The following SHROOM3 variants were observed in gnomAD, a reference collection of about 807,000 sequenced individuals.
The protein encoded by SHROOM3 is protein Shroom3.
Under a neutral mutation model 138.6 loss-of-function variants are expected in SHROOM3, and 47 were observed. The observed-to-expected ratio is 0.34, with a 90% CI of 0.27 to 0.43. SHROOM3 has a LOEUF of 0.43. SHROOM3 is among the 20% of genes least tolerant of loss of function. The probability of loss-of-function intolerance (pLI) is 1.00; values close to 1 mark genes in which losing one functional copy is unlikely to be tolerated. For synonymous variants in SHROOM3, 1,062 were observed against 1,063.3 expected (o/e 1.00, Z 0.02); for missense variants, 2,491 against 2,596.5 (o/e 0.96, Z 0.88).
intron 2 of SHROOM3, among the ~76,000 whole-genome samples, chr4:76,589,005 T>G (rs1038750072): frequency 6.6e-6 from 1 of 152,226 alleles, no homozygotes; most frequent in African/African-American, 2.4e-5. Context: ...ACCTAAGCTG[T>G]CTCACACAAT....
chr4:76,759,221 A>G (rs1721917461), intron 8 of SHROOM3, among the ~76,000 whole-genome samples: 1 of 152,216 alleles, frequency 6.6e-6, no homozygotes, highest in Non-Finnish European at 1.5e-5. Context: ...TTTCTCTGAA[A>G]TAAGGAGTCA....
intron 3 of SHROOM3, among the ~76,000 whole-genome samples, chr4:76,711,921 A>G (rs1206001820): frequency 6.6e-6 from 1 of 152,164 alleles, no homozygotes; most frequent in African/African-American, 2.4e-5. Context: ...GAGTCAGGCC[A>G]AGAACAGGGT....
intron 1 of SHROOM3, among the ~76,000 whole-genome samples, chr4:76,499,174 G>A (rs562440307): frequency 2.0e-5 from 3 of 152,322 alleles, no homozygotes; most frequent in South Asian, 2.1e-4. Context: ...GGGAAGCAAC[G>A]TGGCATCACA....
chr4:76,519,970 A>G lies in SHROOM3; in HGVS notation c.169-35639A>G, dbSNP rs548029974. On this transcript the variant is annotated intron_variant, in intron 1 of 10. Coordinates refer to ENST00000296043, the MANE Select transcript of SHROOM3 (RefSeq NM_020859.4). ...TCTTGAAATTCTGCTTGATGCTTTAATGGATGTATTTGATTATAGACACAC... is the reference window on the plus strand; with the variant it reads ...TCTTGAAATTCTGCTTGATGCTTTAGTGGATGTATTTGATTATAGACACAC... 2.4e-4 allele frequency among the ~76,000 whole-genome samples: 36 copies of G among 152,248 alleles called. No individual in the cohort carries two copies. The South Asian group carries it at 5.0e-3, about 21-fold the overall frequency.
chr4:76,517,127 A>G (rs927496201), intron 1 of SHROOM3, among the ~76,000 whole-genome samples: 1 of 152,242 alleles, frequency 6.6e-6, no homozygotes, highest in African/African-American at 2.4e-5. Flanking sequence ...CTTCTCAGTG[A>G]CAACTGCTTG....
chr4:76,446,413 A>G (rs1378106350), intron 1 of SHROOM3, among the ~76,000 whole-genome samples: 5 of 130,936 alleles, frequency 3.8e-5, no homozygotes, highest in Non-Finnish European at 9.2e-5. Context: ...GCTCGGTGAA[A>G]TGGCGGCGGT....
intron 5 of SHROOM3, among the ~76,000 whole-genome samples, chr4:76,745,540 A>T (rs750203599): frequency 6.6e-6 from 1 of 152,236 alleles, no homozygotes; most frequent in African/African-American, 2.4e-5. Flanking sequence ...AATGCAACTC[A>T]TAAGTCTTTT....
chr4:76,466,754 C>A (rs1387528352), intron 1 of SHROOM3, among the ~76,000 whole-genome samples: 1 of 151,926 alleles, frequency 6.6e-6, no homozygotes, highest in Non-Finnish European at 1.5e-5. Context: ...CCAAGAACAA[C>A]GACAAAAACC....
chr4:76,676,381 T>C (rs1719026782), intron 2 of SHROOM3, among the ~76,000 whole-genome samples: 1 of 152,152 alleles, frequency 6.6e-6, no homozygotes, highest in South Asian at 2.1e-4. Flanking sequence ...TGAGGCAGAA[T>C]CCCTGCTCCT....
rs1210906499 is a variant in SHROOM3, at chr4:76,780,625, GA to G, written c.*1450del. 6.6e-6 allele frequency: 1 copy of G among 151,876 alleles called. No homozygotes were observed. The highest frequency in any genetic ancestry group is 2.4e-5 in the African/African-American group (1 of 41,324). 9.4% of individuals were successfully genotyped at this position (151,876 alleles called of 1,614,324 possible). ...TAATGAAGTTTTATCTCCTATGTAAGAATATCAAAATTGTAGTTTGGGTCTC... is the reference window on the plus strand; with the variant it reads ...TAATGAAGTTTTATCTCCTATGTAAGATATCAAAATTGTAGTTTGGGTCTC... On this transcript the variant is annotated 3_prime_UTR_variant, in exon 11 of 11. Transcript: ENST00000296043.
rs139332534 is a variant in SHROOM3 at position 76,468,192 on chromosome 4, C to T, written c.168+31972C>T. On this transcript the variant is annotated intron_variant, in intron 1 of 10. Transcript: ENST00000296043. Reference sequence around the variant, plus strand: ...CTTGACCAAGATTTGACAAGAGTGACGGAAGAGGAAACATTCTACATATAG... The same window carrying T: ...CTTGACCAAGATTTGACAAGAGTGATGGAAGAGGAAACATTCTACATATAG... Among the ~76,000 whole-genome samples, 512 of 152,236 alleles carry T rather than the reference C, an allele frequency of 3.4e-3. 3 individuals are homozygous for T. Among genetic ancestry groups the T allele is most frequent in the African/African-American group, 0.011 (475 of 41,546 alleles).
chr4:76,468,948 G>A (rs958173213), intron 1 of SHROOM3, among the ~76,000 whole-genome samples: 1 of 151,700 alleles, frequency 6.6e-6, no homozygotes, highest in African/African-American at 2.4e-5. Context: ...ACAGGAGAAT[G>A]GCATGAACCT....
intron 6 of SHROOM3, among the ~76,000 whole-genome samples, chr4:76,750,331 T>TA (rs1336522278): frequency 1.3e-4 from 19 of 151,310 alleles, no homozygotes; most frequent in Admixed American, 7.2e-4. Context: ...TGGGCAAAGG[T>TA]AAAAAAAAGA....
chr4:76,636,369 T>C (rs779405859), intron 2 of SHROOM3, among the ~76,000 whole-genome samples: 1 of 152,220 alleles, frequency 6.6e-6, no homozygotes, highest in Non-Finnish European at 1.5e-5. Flanking sequence ...AAGTTGGTAA[T>C]TATTTAATGA....
chr4:76,512,723 G>A (rs923503458), intron 1 of SHROOM3, among the ~76,000 whole-genome samples: 9 of 152,152 alleles, frequency 5.9e-5, no homozygotes, highest in East Asian at 1.9e-4. Context: ...TGCAATGAGC[G>A]TGGAATCATA....
intron 1 of SHROOM3, among the ~76,000 whole-genome samples, chr4:76,527,070 A>C (rs1560534298): frequency 6.6e-6 from 1 of 151,142 alleles, no homozygotes; most frequent in Non-Finnish European, 1.5e-5. Context: ...TTTCTTTCAC[A>C]CTCTCCCTTT....
At chr4:76,675,042 A>C (rs16996468) in intron 2 of SHROOM3, among the ~76,000 whole-genome samples, 19,872 of 152,210 alleles carry the variant, frequency 0.13, 1,599 homozygotes, top group East Asian at 0.27. Flanking sequence ...GAGGGATATA[A>C]ATAATGGGCT....
intron 2 of SHROOM3, among the ~76,000 whole-genome samples, chr4:76,637,813 A>ATTT (rs1735542410): frequency 1.3e-5 from 2 of 152,214 alleles, no homozygotes; most frequent in African/African-American, 4.8e-5. Context: ...ACCAAAACCA[A>ATTT]GGACTCCAGT....
intron 6 of SHROOM3, among the ~76,000 whole-genome samples, chr4:76,752,289 T>A (rs537720777): frequency 2.0e-5 from 3 of 152,088 alleles, no homozygotes; most frequent in African/African-American, 7.2e-5. Context: ...TTTCCAGGGG[T>A]TAGTAGGAGG....
Sources: gnomAD v4.1 joint callset for allele counts (sites outside exome capture counted in the v4.1 genomes callset) on GRCh38, gnomAD v4.1.1 for gene constraint, MANE v1.5 for transcripts, NCBI Gene and HGNC (gene_info 2026-07-23, HGNC 2026-07-21) for gene names.